The following SLC17A1 variants were observed in gnomAD, a reference collection of about 807,000 sequenced individuals.
SLC17A1 encodes sodium-dependent phosphate transport protein 1.
Under a neutral mutation model 53.5 loss-of-function variants are expected in SLC17A1, and 51 were observed. That is an observed-to-expected ratio of 0.95 (90% confidence interval 0.76 to 1.20). The LOEUF (loss-of-function observed/expected upper bound fraction) is 1.20, where lower values mean the gene tolerates loss of function less well. Among genes scored for constraint, SLC17A1 ranks in the 50% most tolerant of loss-of-function variants. The pLI is 0.00. For synonymous variants in SLC17A1, 179 were observed against 198.8 expected, an observed-to-expected ratio of 0.90 and a Z score of 0.84; for missense variants, 538 against 568.2, an observed-to-expected ratio of 0.95 and a Z score of 0.54.
the SLC17A1 span, among the ~76,000 whole-genome samples, chr6:25,750,968 G>A: frequency 6.6e-6 from 1 of 152,202 alleles, no homozygotes; most frequent in South Asian, 2.1e-4. Context: ...CTCATGGCAT[G>A]CACAGCCACA....
chr6:25,813,729 C>A (rs1764241482), intron 6 of SLC17A1, among the ~76,000 whole-genome samples: 1 of 152,180 alleles, frequency 6.6e-6, no homozygotes, highest in Non-Finnish European at 1.5e-5. Context: ...CTCTTCCCAC[C>A]CTCTACCCAG....
intron 12 of SLC17A1, 73 bp downstream of exon 12, chr6:25,798,710 G>C: frequency 5.8e-6 from 8 of 1,386,694 alleles, no homozygotes; most frequent in Non-Finnish European, 7.9e-6. Context: ...TCTCGTCTGA[G>C]GAGTCATCCT....
the SLC17A1 span, among the ~76,000 whole-genome samples, chr6:25,771,299 C>G: frequency 6.6e-6 from 1 of 152,062 alleles, no homozygotes; most frequent in African/African-American, 2.4e-5. Flanking sequence ...TTAGGCTAGG[C>G]GTGGTAGCTC....
At chr6:25,732,907 C>CAAAAAT in the SLC17A1 span, 1 of 249,896 alleles carries the variant, frequency 4.0e-6, no homozygotes. Flanking sequence ...AAAACAAAAA[C>CAAAAAT]CCCAAAGCTG....
At chr6:25,726,298 G>T in the SLC17A1 span, 1 of 1,614,104 alleles carries the variant, frequency 6.2e-7, no homozygotes, top group Non-Finnish European at 8.5e-7. Context: ...AATAATGCGA[G>T]TTTTTTTGTT....
At chr6:25,781,069 T>C (rs1763255641), downstream of SLC17A1, 1 of 152,006 alleles carries the variant, frequency 6.6e-6, no homozygotes, top group African/African-American at 2.4e-5. Flanking sequence ...ATTACAATTT[T>C]TGCATGGATG....
intron 6 of SLC17A1, among the ~76,000 whole-genome samples, chr6:25,813,744 A>G (rs373547170): frequency 1.3e-5 from 2 of 152,278 alleles, no homozygotes; most frequent in East Asian, 1.9e-4. Context: ...ACCCAGTGGT[A>G]GAAGGTGTTC....
chr6:25,752,527 A>G, the SLC17A1 span, among the ~76,000 whole-genome samples: 7 of 152,152 alleles, frequency 4.6e-5, no homozygotes, highest in African/African-American at 1.7e-4. Flanking sequence ...TTTATAAAAA[A>G]ATTTTATTTC....
the SLC17A1 span, chr6:25,726,377 A>G: frequency 2.5e-6 from 4 of 1,614,134 alleles, no homozygotes; most frequent in Non-Finnish European, 3.4e-6. Flanking sequence ...GCCGCCAAAT[A>G]CACTGGTGCG....
At chr6:25,772,849 G>A in the SLC17A1 span, among the ~76,000 whole-genome samples, 2 of 152,142 alleles carry the variant, frequency 1.3e-5, no homozygotes, top group African/African-American at 2.4e-5. Context: ...TTTAATAATA[G>A]TTCATTTCAA....
At chr6:25,792,202 GTCAA>G (rs1763516726) in intron 12 of SLC17A1, among the ~76,000 whole-genome samples, 1 of 152,204 alleles carries the variant, frequency 6.6e-6, no homozygotes, top group Admixed American at 6.5e-5. Context: ...AGCAGCCTCA[GTCAA>G]TCAATCAGGG....
At chr6:25,732,051 T>C in the SLC17A1 span, 6 of 1,285,028 alleles carry the variant, frequency 4.7e-6, no homozygotes, top group Non-Finnish European at 6.4e-6. Flanking sequence ...GTAAATAGAA[T>C]AGCTCTCTTT....
At chr6:25,806,643 A>G (rs983252402) in intron 10 of SLC17A1, among the ~76,000 whole-genome samples, 8 of 152,170 alleles carry the variant, frequency 5.3e-5, no homozygotes, top group African/African-American at 1.7e-4. Flanking sequence ...TTAAGACCCC[A>G]AAAACAAATG....
chr6:25,726,557 A>G, the SLC17A1 span: 2 of 1,587,408 alleles, frequency 1.3e-6, no homozygotes, highest in East Asian at 2.2e-5. Context: ...GCAACACGAG[A>G]ACCACATTTC....
At chr6:25,773,743 C>A in the SLC17A1 span, 1 of 1,524,758 alleles carries the variant, frequency 6.6e-7, no homozygotes, top group Non-Finnish European at 8.9e-7. Context: ...CATATATAAT[C>A]CTCTGTCTGT....
intron 1 of SLC17A1, among the ~76,000 whole-genome samples, chr6:25,831,672 A>G (rs890996552): frequency 1.3e-5 from 2 of 152,100 alleles, no homozygotes; most frequent in Non-Finnish European, 2.9e-5. Context: ...ACACACATAA[A>G]TGATGGGCAC....
rs760899078 is a variant in SLC17A1, at chr6:25,812,994, T to A, written c.736-2A>T. On this transcript the variant is annotated splice_acceptor_variant, in intron 7 of 12. Coordinates refer to ENST00000244527, the MANE Select transcript of SLC17A1 (RefSeq NM_005074.5). LOFTEE classifies it high-confidence loss of function. ...CAGAGATTGTCTACTTGAACTGACC[T>A]GGAGAGAAATTCATTAAGAATTAGC... 2.1e-5 allele frequency: 34 copies of A among 1,613,708 alleles called. No individual in the cohort carries two copies. Among genetic ancestry groups the A allele is most frequent in the Non-Finnish European group, 2.8e-5 (33 of 1,179,876 alleles).
the SLC17A1 span, among the ~76,000 whole-genome samples, chr6:25,728,653 A>G: frequency 6.6e-6 from 1 of 152,128 alleles, no homozygotes; most frequent in Non-Finnish European, 1.5e-5. Context: ...TCTCTACTCA[A>G]AATACAAAAA....
chr6:25,726,685 G>A, the SLC17A1 span: 1 of 1,095,994 alleles, frequency 9.1e-7, no homozygotes, highest in East Asian at 2.4e-5. Flanking sequence ...TTGCATTCAC[G>A]CCACTTCCCA....
Sources: gnomAD v4.1 joint callset for allele counts (sites outside exome capture counted in the v4.1 genomes callset) on GRCh38, gnomAD v4.1.1 for gene constraint, MANE v1.5 for transcripts, NCBI Gene and HGNC (gene_info 2026-07-23, HGNC 2026-07-21) for gene names.